GPR63: variants seen among roughly 807,000 people sequenced by gnomAD.
GPR63 encodes G protein-coupled receptor 63, also known as probable G protein-coupled receptor 63.
Under a neutral mutation model 23.1 loss-of-function variants are expected in GPR63, and 12 were observed. The ratio of observed to expected loss-of-function variants is 0.52; its 90% CI spans 0.33 to 0.84. GPR63 has a LOEUF of 0.84. Ranked by LOEUF, GPR63 falls within the 40% of genes least tolerant of loss-of-function variation. The pLI, the probability that GPR63 is intolerant of heterozygous loss-of-function variation, is 0.02. For missense variants in GPR63, 472 were observed against 515.6 expected, an observed-to-expected ratio of 0.92 and a Z score of 0.82; for synonymous variants, 172 against 191.1, an observed-to-expected ratio of 0.90 and a Z score of 0.82.
intron 1 of GPR63, among the ~76,000 whole-genome samples, chr6:96,834,062 C>G (rs1023021834): frequency 4.7e-4 from 72 of 152,112 alleles, no homozygotes; most frequent in African/African-American, 1.6e-3. Context: ...GAGTTTCACG[C>G]TTGAGTTTTC....
rs1773532987 is a variant in GPR63 at position 96,794,525 on chromosome 6, A to G, written c.*3947T>C. ...AAACTTTTCTGTGATATATACAGAA[A>G]TGATACATATGTAAATATTTTCACA... On this transcript the variant is annotated 3_prime_UTR_variant, in exon 2 of 2. Transcript: ENST00000229955. 1 of 152,232 alleles carries G rather than the reference A, an allele frequency of 6.6e-6. No homozygotes were observed. Among genetic ancestry groups the G allele is most frequent in the Non-Finnish European group, 1.5e-5 (1 of 68,034 alleles). 9.4% of individuals were successfully genotyped at this position (152,232 alleles called of 1,614,324 possible). A position where few individuals can be genotyped will look rare whatever the true frequency, so the allele number is the denominator to read the frequency against.
Position 96,798,437 on chromosome 6 carries a change from C to A in GPR63, c.*35G>T. 1 of 1,594,364 alleles carries A rather than the reference C, an allele frequency of 6.3e-7. No individual in the cohort carries two copies. Among genetic ancestry groups the A allele is most frequent in the Non-Finnish European group, 8.5e-7 (1 of 1,169,592 alleles). On this transcript the variant is annotated 3_prime_UTR_variant, in exon 2 of 2. Transcript: ENST00000229955. The stretch of plus-strand genomic sequence containing the variant: ...AAGAGAATTCAATGTCAATAAAGAA[C>A]AAGCATCACCCAAAATGTCAGCCAG...
At chr6:96,804,408 T>C (rs899016441) in intron 1 of GPR63, among the ~76,000 whole-genome samples, 2 of 152,206 alleles carry the variant, frequency 1.3e-5, no homozygotes, top group African/African-American at 4.8e-5. Context: ...AAGGCAGCCA[T>C]TGATTTTATT....
rs1773568101 is a variant in GPR63 at position 96,795,904 on chromosome 6, T to C, written c.*2568A>G. The C allele has an allele frequency of 6.6e-6, 1 of 152,222 alleles. No individual in the cohort carries two copies. The highest frequency in any genetic ancestry group is 2.4e-5 in the African/African-American group (1 of 41,476). The allele number at this position is 152,222 out of a possible 1,614,324, so 9.4% of individuals were successfully genotyped here. Reference sequence around the variant, plus strand: ...CTACTAGTATCTACTACAGTGCTTATGTCCTATAAAATCCCTATGGACAAA... The same window carrying C: ...CTACTAGTATCTACTACAGTGCTTACGTCCTATAAAATCCCTATGGACAAA... On this transcript the variant is annotated 3_prime_UTR_variant, in exon 2 of 2. Transcript: ENST00000229955.
At chr6:96,826,562 G>A (rs1774443604) in intron 1 of GPR63, among the ~76,000 whole-genome samples, 1 of 152,048 alleles carries the variant, frequency 6.6e-6, no homozygotes. Flanking sequence ...GTTAAGGTCT[G>A]CTTATTAACC....
intron 1 of GPR63, among the ~76,000 whole-genome samples, chr6:96,822,809 G>C (rs1774345684): frequency 6.6e-6 from 1 of 152,184 alleles, no homozygotes; most frequent in Non-Finnish European, 1.5e-5. Context: ...TGTATGTTCT[G>C]TGAAGAAAAA....
rs777397583 is a variant in GPR63, at chr6:96,799,182, C to A, written c.550G>T (p.Val184Phe). Residue 184 changes from valine (V) to phenylalanine (F), a missense_variant, in exon 2 of 2, where the codon GTC becomes TTC. Coordinates refer to ENST00000229955, the MANE Select transcript of GPR63 (RefSeq NM_030784.4). ...GGGTTTAGCTTATCCTGCCTCTGGA[C>A]TATAATAAGGAACCTATCTATGCTA... is the stretch of plus-strand genomic sequence containing the variant. The part of the protein sequence containing the change: ...IISIDRFLII[V>F]QRQDKLNPYR... 1 of 1,614,160 alleles carries A rather than the reference C, an allele frequency of 6.2e-7. No individual in the cohort carries two copies. Among genetic ancestry groups the A allele is most frequent in the South Asian group, 1.1e-5 (1 of 91,082 alleles).
intron 1 of GPR63, among the ~76,000 whole-genome samples, chr6:96,824,265 C>T (rs1452010203): frequency 6.6e-6 from 1 of 151,816 alleles, no homozygotes; most frequent in Admixed American, 6.6e-5. Context: ...TGCATGTGGT[C>T]CTGAAAAAAA....
chr6:96,837,148 C>G (rs947899936), intron 1 of GPR63, 120 bp downstream of exon 1: 1 of 152,476 alleles, frequency 6.6e-6, no homozygotes, highest in Non-Finnish European at 1.5e-5. Context: ...CATTCCTCCC[C>G]GCACTCCGCC....
intron 1 of GPR63, among the ~76,000 whole-genome samples, chr6:96,821,739 A>G (rs1421767691): frequency 2.0e-5 from 3 of 152,166 alleles, no homozygotes; most frequent in African/African-American, 7.2e-5. Flanking sequence ...ATGTACCAAG[A>G]CCATATATGA....
intron 1 of GPR63, among the ~76,000 whole-genome samples, chr6:96,819,931 G>A (rs1201163663): frequency 2.2e-5 from 3 of 134,186 alleles, no homozygotes; most frequent in African/African-American, 5.8e-5. Context: ...AGCTGATATC[G>A]CTCACTGCAC....
chr6:96,810,486 CTCCGT>C (rs1319666156), intron 1 of GPR63, among the ~76,000 whole-genome samples: 11 of 143,658 alleles, frequency 7.7e-5, no homozygotes. Flanking sequence ...CAGTGCGAGA[CTCCGT>C]CCCAGGAAAA....
intron 1 of GPR63, among the ~76,000 whole-genome samples, chr6:96,821,836 T>G (rs1402900568): frequency 6.6e-6 from 1 of 152,120 alleles, no homozygotes; most frequent in Non-Finnish European, 1.5e-5. Context: ...CATGACTATC[T>G]GAGATGGTTC....
chr6:96,836,510 G>A (rs1437772546), intron 1 of GPR63, among the ~76,000 whole-genome samples: 1 of 152,110 alleles, frequency 6.6e-6, no homozygotes, highest in Non-Finnish European at 1.5e-5. Context: ...TTCCCTAAGT[G>A]TCGAGACTCA....
Position 96,799,176 on chromosome 6 carries a change from T to C in GPR63, c.556A>G (p.Arg186Gly), listed in dbSNP as rs112040975. 6.2e-7 allele frequency: 1 copy of C among 1,614,178 alleles called. No homozygotes were observed. Among genetic ancestry groups the C allele is most frequent in the Non-Finnish European group, 8.5e-7 (1 of 1,180,042 alleles). The change falls in exon 2 of 2, where the codon AGG becomes GGG. Residue 186 changes from arginine (R) to glycine (G), a missense_variant. Transcript: ENST00000229955. ...CTATATGGGTTTAGCTTATCCTGCC[T>C]CTGGACTATAATAAGGAACCTATCT... is the stretch of plus-strand genomic sequence containing the variant. ...SIDRFLIIVQ[R>G]QDKLNPYRAK...
At chr6:96,830,995 G>A (rs919082066) in intron 1 of GPR63, among the ~76,000 whole-genome samples, 2 of 152,156 alleles carry the variant, frequency 1.3e-5, no homozygotes, top group African/African-American at 4.8e-5. Flanking sequence ...ACAAACACAT[G>A]TGCATACACA....
intron 1 of GPR63, among the ~76,000 whole-genome samples, chr6:96,819,801 T>C (rs1216585642): frequency 6.6e-6 from 1 of 150,940 alleles, no homozygotes; most frequent in East Asian, 1.9e-4. Flanking sequence ...GTGAAACCCT[T>C]CTCTACTAAA....
At position 96,810,125 on chromosome 6, in the gene GPR63, T is replaced by C. The variant is rs535023254; in HGVS notation, c.-150-10244A>G. ...CGTGATAAAAACACTAGCATAAACA[T>C]GCAGATAAGAATGTTCATTGTAGCA... On this transcript the variant is annotated intron_variant, in intron 1 of 1. Coordinates refer to ENST00000229955, the MANE Select transcript of GPR63 (RefSeq NM_030784.4). Among the ~76,000 whole-genome samples the C allele has an allele frequency of 1.1e-4, 17 of 152,246 alleles. No individual in the cohort carries two copies. In the East Asian group the frequency reaches 2.3e-3, roughly 21 times the overall value.
rs769711874 is a variant in GPR63, at chr6:96,798,503, T to C, written c.1229A>G (p.Tyr410Cys). 7 of 1,614,032 alleles carry C rather than the reference T, an allele frequency of 4.3e-6. No homozygotes were observed. Among genetic ancestry groups the C allele is most frequent in the East Asian group, 4.5e-5 (2 of 44,884 alleles). ...CACCGTCCGATGTTCCCCACACACA[T>C]AGACAGCACTAGGACGTATCCGTCG... ...TKRRIRPSAV[Y>C]VCGEHRTVV The change falls in exon 2 of 2, where the codon TAT becomes TGT. Residue 410 changes from tyrosine (Y) to cysteine (C), a missense_variant. Physicochemically the swap from Tyr to Cys is radical, Grantham distance 194 (BLOSUM62 -2). Transcript: ENST00000229955.
Sources: allele counts gnomAD v4.1 joint callset (sites outside exome capture counted in the v4.1 genomes callset), GRCh38; gene constraint gnomAD v4.1.1; transcripts MANE v1.5; gene names NCBI Gene and HGNC (gene_info 2026-07-23, HGNC 2026-07-21).